The following RBM20 variants were observed in gnomAD, a reference collection of about 807,000 sequenced individuals.
RBM20 encodes the protein RNA-binding protein 20.
In RBM20, 51 loss-of-function variants were observed where a neutral mutation model predicts 110.1. The observed-to-expected ratio is 0.46, with a 90% CI of 0.37 to 0.59. The LOEUF (loss-of-function observed/expected upper bound fraction) is 0.59. Among genes scored for constraint, RBM20 ranks in the 20% least tolerant of loss-of-function variants. RBM20 has a pLI of 0.00. For missense variants in RBM20, 1,512 were observed against 1,574.9 expected, an observed-to-expected ratio of 0.96 and a Z score of 0.68; for synonymous variants, 589 against 618.2, an observed-to-expected ratio of 0.95 and a Z score of 0.70.
chr10:110,828,290 C>T (rs1441116968), intron 12 of RBM20, among the ~76,000 whole-genome samples: 1 of 152,210 alleles, frequency 6.6e-6, no homozygotes, highest in East Asian at 1.9e-4. Context: ...CTCTTCATGT[C>T]CCCGTCACAT....
chr10:110,662,478 T>G (rs187040093), intron 1 of RBM20, among the ~76,000 whole-genome samples: 50 of 152,336 alleles, frequency 3.3e-4, no homozygotes, highest in African/African-American at 8.9e-4. Context: ...CATTCACATT[T>G]CTCTCAGAGG....
At chr10:110,660,423 C>T (rs1862085933) in intron 1 of RBM20, among the ~76,000 whole-genome samples, 1 of 152,202 alleles carries the variant, frequency 6.6e-6, no homozygotes, top group South Asian at 2.1e-4. Context: ...CCCCAACCCC[C>T]AGGCCATGGA....
At chr10:110,818,039 G>A (rs1844861481) in intron 9 of RBM20, among the ~76,000 whole-genome samples, 1 of 152,108 alleles carries the variant, frequency 6.6e-6, no homozygotes, top group Admixed American at 6.6e-5. Flanking sequence ...CAGCACTTTG[G>A]GAGGCTGAGG....
rs1355159778 is a variant in RBM20 at position 110,780,828 on chromosome 10, A to G, written c.219A>G (p.Pro73=). The change falls in exon 2 of 14, where the codon CCA becomes CCG. Residue 73 remains proline (P), a synonymous_variant. Coordinates refer to ENST00000369519, the MANE Select transcript of RBM20 (RefSeq NM_001134363.3). ...CCGCCAAGCTCCTGGACAAGAACCC[A>G]TTCTCGGTCAGTAACCCGAACCCTC... ...QNAAKLLDKN[P]FSVSNPNPLL... is the part of the protein sequence containing the mutation. 4 of 1,535,286 alleles carry G rather than the reference A, an allele frequency of 2.6e-6. No homozygotes were observed. The highest frequency in any genetic ancestry group is 2.8e-5 in the African/African-American group (2 of 72,676).
At chr10:110,813,254 C>A (rs971538225) in intron 9 of RBM20, among the ~76,000 whole-genome samples, 4 of 152,204 alleles carry the variant, frequency 2.6e-5, no homozygotes, top group African/African-American at 9.6e-5. Flanking sequence ...CCAAGGAGAT[C>A]TGGCCCCAAA....
At chr10:110,824,210 T>C (rs956479550) in intron 12 of RBM20, among the ~76,000 whole-genome samples, 3 of 152,238 alleles carry the variant, frequency 2.0e-5, no homozygotes, top group African/African-American at 7.2e-5. Context: ...TGCTTTATTC[T>C]TGATGACATG....
At chr10:110,663,548 G>A (rs1252472670) in intron 1 of RBM20, among the ~76,000 whole-genome samples, 1 of 152,192 alleles carries the variant, frequency 6.6e-6, no homozygotes, top group Non-Finnish European at 1.5e-5. Flanking sequence ...GGAAATGGAA[G>A]AGTGGGTCAG....
chr10:110,767,315 GA>G (rs1234311565), intron 1 of RBM20, among the ~76,000 whole-genome samples: 1 of 139,112 alleles, frequency 7.2e-6, no homozygotes, highest in African/African-American at 2.7e-5. Flanking sequence ...TCACCTCCCG[GA>G]CGGGGCGGCT....
intron 1 of RBM20, among the ~76,000 whole-genome samples, chr10:110,704,275 T>C (rs2134899766): frequency 6.6e-6 from 1 of 152,324 alleles, no homozygotes; most frequent in Non-Finnish European, 1.5e-5. Context: ...TGTACCACAG[T>C]TTGTTTAACC....
At chr10:110,703,912 G>C (rs1261349326) in intron 1 of RBM20, among the ~76,000 whole-genome samples, 3 of 152,200 alleles carry the variant, frequency 2.0e-5, no homozygotes, top group Non-Finnish European at 2.9e-5. Flanking sequence ...AGGAGTTCGA[G>C]ACCAGCCTGG....
rs12250077 is a variant in RBM20 at position 110,728,328 on chromosome 10, G to A, written c.192-52473G>A. On this transcript the variant is annotated intron_variant, in intron 1 of 13. Transcript: ENST00000369519. ...GCCCCTGCCATAAATCACGTTATTAGACTATCTGGGTAGCCCAAGGTCCCC... is the reference window on the plus strand; with the variant it reads ...GCCCCTGCCATAAATCACGTTATTAAACTATCTGGGTAGCCCAAGGTCCCC... Among the ~76,000 whole-genome samples, 933 of 152,222 alleles carry A rather than the reference G, an allele frequency of 6.1e-3. 10 individuals carry two copies. Among genetic ancestry groups the A allele is most frequent in the African/African-American group, 0.022 (893 of 41,516 alleles).
At chr10:110,765,816 T>G (rs1397844045) in intron 1 of RBM20, among the ~76,000 whole-genome samples, 1 of 152,198 alleles carries the variant, frequency 6.6e-6, no homozygotes, top group African/African-American at 2.4e-5. Context: ...TGCCATTGGT[T>G]TCTGCCTTAT....
chr10:110,792,370 C>T (rs1286741601), intron 5 of RBM20, among the ~76,000 whole-genome samples: 1 of 152,170 alleles, frequency 6.6e-6, no homozygotes, highest in Non-Finnish European at 1.5e-5. Context: ...CATCCTTTAA[C>T]TGTTGGGTGG....
rs1862229340 is a variant in RBM20 at position 110,669,485 on chromosome 10, T to C, written c.191+24840T>C. Among the ~76,000 whole-genome samples, 3 of 152,342 alleles carry C rather than the reference T, an allele frequency of 2.0e-5. No individual in the cohort carries two copies. The South Asian group carries it at 6.2e-4, about 32-fold the overall frequency. ...GCCTCCCATTCAAAAACCACTTACGTGATTGTATGTGCCTTTCAACAAAAC... is the reference window on the plus strand; with the variant it reads ...GCCTCCCATTCAAAAACCACTTACGCGATTGTATGTGCCTTTCAACAAAAC... On this transcript the variant is annotated intron_variant, in intron 1 of 13. Transcript: ENST00000369519.
In RBM20 at chr10:110,721,543, C is replaced by T. The variant is rs116225146; in HGVS notation, c.192-59258C>T. Among the ~76,000 whole-genome samples, 516 of 152,256 alleles carry T rather than the reference C, an allele frequency of 3.4e-3. 2 individuals carry two copies. The highest frequency in any genetic ancestry group is 0.012 in the African/African-American group (495 of 41,534). ...TGTTTGGGTCTGTCCAGGCATCGTCCTCCCAGCAGTAAATCATCACTGCAC... is the reference window on the plus strand; with the variant it reads ...TGTTTGGGTCTGTCCAGGCATCGTCTTCCCAGCAGTAAATCATCACTGCAC... On this transcript the variant is annotated intron_variant, in intron 1 of 13. Transcript: ENST00000369519.
intron 1 of RBM20, among the ~76,000 whole-genome samples, chr10:110,652,554 C>T (rs1023020153): frequency 6.6e-6 from 1 of 152,164 alleles, no homozygotes; most frequent in Non-Finnish European, 1.5e-5. Context: ...ATTGGTATTG[C>T]ACTGTCTTGA....
At chr10:110,763,960 C>T (rs1844043800) in intron 1 of RBM20, among the ~76,000 whole-genome samples, 1 of 152,128 alleles carries the variant, frequency 6.6e-6, no homozygotes, top group South Asian at 2.1e-4. Context: ...CATCACCCCC[C>T]TCAGTTCTGA....
chr10:110,665,632 C>T (rs1317558857), intron 1 of RBM20, among the ~76,000 whole-genome samples: 1 of 152,010 alleles, frequency 6.6e-6, no homozygotes. Flanking sequence ...CTAACTGTAA[C>T]ATGTATACAT....
intron 10 of RBM20, 60 bp from the exon 11 acceptor site, chr10:110,821,215 G>A: frequency 2.8e-6 from 4 of 1,417,426 alleles, no homozygotes. Context: ...GCCAAGTCTT[G>A]TGCCTTCCAG....
Sources: gnomAD v4.1 joint callset for allele counts (sites outside exome capture counted in the v4.1 genomes callset) on GRCh38, gnomAD v4.1.1 for gene constraint, MANE v1.5 for transcripts, NCBI Gene and HGNC (gene_info 2026-07-23, HGNC 2026-07-21) for gene names.